The following TLE3 variants were observed in gnomAD, a reference collection of about 807,000 sequenced individuals.
The protein encoded by TLE3 is TLE family member 3, transcriptional corepressor.
Under a neutral mutation model 93.0 loss-of-function variants are expected in TLE3, and 14 were observed. The observed-to-expected ratio is 0.15, with a 90% CI of 0.10 to 0.24. The LOEUF is 0.24. Among genes scored for constraint, TLE3 ranks in the 10% least tolerant of loss-of-function variants. The pLI is 1.00. For missense variants in TLE3, 693 were observed against 1,046.6 expected, an observed-to-expected ratio of 0.66 and a Z score of 4.66; for synonymous variants, 451 against 425.0, an observed-to-expected ratio of 1.06 and a Z score of -0.75.
intron 4 of TLE3, among the ~76,000 whole-genome samples, chr15:70,085,107 A>T (rs887605356): frequency 2.6e-5 from 4 of 152,222 alleles, no homozygotes; most frequent in African/African-American, 4.8e-5. Context: ...GTGCAGACAT[A>T]CAGCATTTCC....
intron 6 of TLE3, among the ~76,000 whole-genome samples, chr15:70,068,325 A>C (rs986015643): frequency 2.0e-5 from 3 of 152,180 alleles, no homozygotes; most frequent in African/African-American, 7.2e-5. Flanking sequence ...GCTTGATTTT[A>C]ATTTAGGAAT....
chr15:70,096,498 G>T, intron 1 of TLE3: 1 of 1,192,042 alleles, frequency 8.4e-7, no homozygotes, highest in Non-Finnish European at 1.2e-6. Context: ...TAAGGCGGGG[G>T]CGGGAGACAA....
At chr15:70,081,280 C>T (rs1047125165) in intron 4 of TLE3, among the ~76,000 whole-genome samples, 8 of 152,324 alleles carry the variant, frequency 5.3e-5, no homozygotes, top group South Asian at 2.1e-4. Flanking sequence ...CCCGAATTGG[C>T]GTGCAGCTTA....
chr15:70,096,376 A>C (rs1369306393), intron 1 of TLE3, 115 bp from the exon 2 acceptor site: 3 of 1,482,206 alleles, frequency 2.0e-6, no homozygotes, highest in Non-Finnish European at 1.8e-6. Flanking sequence ...TCAGCCCAGA[A>C]CCTTCCCAGC....
intron 15 of TLE3, 160 bp downstream of exon 15, chr15:70,054,889 C>G: frequency 4.0e-6 from 5 of 1,260,936 alleles, no homozygotes; most frequent in South Asian, 3.1e-5. Context: ...CAGCCCCACA[C>G]ACAGAAGGCA....
chr15:70,097,377 G>A lies in TLE3; in HGVS notation c.-579C>T. On this transcript the variant is annotated 5_prime_UTR_variant, in exon 1 of 20. Coordinates refer to ENST00000451782, the MANE Select transcript of TLE3 (RefSeq NM_001105192.3). ...GGGCCGCAGGAGCGCCGGAGGGTGAGGGCGGGAGCCCGGCGCGGGCGCTTC... is the reference window on the plus strand; with the variant it reads ...GGGCCGCAGGAGCGCCGGAGGGTGAAGGCGGGAGCCCGGCGCGGGCGCTTC... 1 of 407,778 alleles carries A rather than the reference G, an allele frequency of 2.5e-6. No individual in the cohort carries two copies. The highest frequency in any genetic ancestry group is 4.3e-6 in the Non-Finnish European group (1 of 231,302). 25.3% of individuals were successfully genotyped at this position (407,778 alleles called of 1,614,324 possible). A position where few individuals can be genotyped will look rare whatever the true frequency, so the allele number is the denominator to read the frequency against.
At chr15:70,096,607 C>T in intron 1 of TLE3, 168 bp downstream of exon 1, 1 of 1,539,562 alleles carries the variant, frequency 6.5e-7, no homozygotes, top group Non-Finnish European at 8.7e-7. Flanking sequence ...GCGGAATTAA[C>T]CTCCTCTCTC....
intron 6 of TLE3, among the ~76,000 whole-genome samples, chr15:70,071,733 A>T (rs1397696439): frequency 6.6e-6 from 1 of 152,132 alleles, no homozygotes; most frequent in Non-Finnish European, 1.5e-5. Context: ...CAGAGCAGCA[A>T]ATCCAACAGT....
At chr15:70,080,915 T>C (rs1477101604) in intron 4 of TLE3, among the ~76,000 whole-genome samples, 1 of 152,240 alleles carries the variant, frequency 6.6e-6, no homozygotes, top group Non-Finnish European at 1.5e-5. Flanking sequence ...TTTAGGTGAC[T>C]GTGTCCAACA....
intron 1 of TLE3, 25 bp from the exon 2 acceptor site, chr15:70,096,286 G>A (rs987719244): frequency 4.5e-6 from 7 of 1,550,116 alleles, no homozygotes; most frequent in East Asian, 4.9e-5. Context: ...GACAAGACAG[G>A]GGAGGGGGCG....
At chr15:70,085,061 A>G (rs2141960485) in intron 4 of TLE3, among the ~76,000 whole-genome samples, 1 of 152,330 alleles carries the variant, frequency 6.6e-6, no homozygotes, top group South Asian at 2.1e-4. Context: ...CAAGTGCTTA[A>G]GAGCCACACG....
At chr15:70,062,784 C>T (rs74021482) in intron 8 of TLE3, among the ~76,000 whole-genome samples, 4 of 151,978 alleles carry the variant, frequency 2.6e-5, no homozygotes, top group East Asian at 1.9e-4. Context: ...ACCGTCACCA[C>T]GCCACATGCC....
At chr15:70,081,919 G>T (rs1326274388) in intron 4 of TLE3, among the ~76,000 whole-genome samples, 1 of 152,172 alleles carries the variant, frequency 6.6e-6, no homozygotes, top group Non-Finnish European at 1.5e-5. Flanking sequence ...TGTGTTTGGG[G>T]GTGTCATCTC....
intron 9 of TLE3, among the ~76,000 whole-genome samples, chr15:70,059,704 C>T (rs573428813): frequency 1.2e-4 from 19 of 152,352 alleles, no homozygotes; most frequent in Middle Eastern, 3.4e-3. Flanking sequence ...ACTGGGCAGC[C>T]GCACTGACAC....
chr15:70,077,671 G>C (rs958582679), intron 4 of TLE3, among the ~76,000 whole-genome samples: 1 of 152,180 alleles, frequency 6.6e-6, no homozygotes, highest in Non-Finnish European at 1.5e-5. Flanking sequence ...GGCAGGGCTC[G>C]CCAACCTACG....
chr15:70,095,266 A>G, intron 3 of TLE3: 7 of 1,272,502 alleles, frequency 5.5e-6, no homozygotes, highest in Non-Finnish European at 7.0e-6. Flanking sequence ...TTACTAGCCA[A>G]GATAGGGCAA....
chr15:70,055,065 G>A lies in TLE3; in HGVS notation c.1562C>T (p.Ser521Phe). 1 of 1,612,146 alleles carries A rather than the reference G, an allele frequency of 6.2e-7. No homozygotes were observed. Residue 521 changes from serine to phenylalanine, a missense_variant, in exon 15 of 20, where the codon TCC (serine) becomes TTC (phenylalanine). Ser to Phe is a radical substitution (Grantham distance 155, BLOSUM62 -2). This residue lies in a region of TLE3 where 153 missense variants were observed against 379.9 expected (regional missense o/e 0.40). Coordinates refer to ENST00000451782, the MANE Select transcript of TLE3 (RefSeq NM_001105192.3). ...GATTCTCACCAGGCAGTCCAGCTGG[G>A]AGATGGGGCTCTTGCTGCCTGGCTG... ...ISQPGSKSPI[S>F]QLDCLNRDNY...
At chr15:70,063,805 C>T (rs547321087) in intron 8 of TLE3, among the ~76,000 whole-genome samples, 32 of 152,346 alleles carry the variant, frequency 2.1e-4, no homozygotes, top group African/African-American at 7.2e-4. Flanking sequence ...CTGGCAGACA[C>T]GCAGGCGGCC....
chr15:70,057,852 C>T, intron 12 of TLE3, 194 bp from the exon 13 acceptor site: 2 of 752,806 alleles, frequency 2.7e-6, no homozygotes, highest in Non-Finnish European at 4.2e-6. Context: ...GCACCCACCT[C>T]TTTTTACAGA....
Sources: allele counts gnomAD v4.1 joint callset (sites outside exome capture counted in the v4.1 genomes callset), GRCh38; gene constraint gnomAD v4.1.1; regional missense constraint gnomAD v4.1.1; transcripts MANE v1.5; gene names NCBI Gene and HGNC (gene_info 2026-07-23, HGNC 2026-07-21).